Variants in ZC3H3 observed in about 807,000 individuals in gnomAD.
The protein encoded by ZC3H3 is zinc finger CCCH domain-containing protein 3.
A neutral mutation model predicts 77.3 loss-of-function variants in ZC3H3; 36 were observed. The observed-to-expected ratio is 0.47, with a 90% CI of 0.36 to 0.61. The LOEUF (loss-of-function observed/expected upper bound fraction) is 0.61, where lower values mean the gene tolerates loss of function less well. ZC3H3 is among the 20% of genes least tolerant of loss of function. The probability of loss-of-function intolerance (pLI) is 0.00; values close to 1 mark genes in which losing one functional copy is unlikely to be tolerated. For synonymous variants in ZC3H3, 626 were observed against 555.2 expected (o/e 1.13, Z -1.79); for missense variants, 1,331 against 1,312.2 (o/e 1.01, Z -0.22).
rs1464134723 is a variant in ZC3H3, at chr8:143,507,792, G to A, written c.1669C>T (p.Pro557Ser). The change falls in exon 4 of 12, where the codon CCC becomes TCC. Residue 557 changes from proline to serine, a missense_variant. Pro to Ser is a moderately conservative substitution (Grantham distance 74). Coordinates refer to ENST00000262577, the MANE Select transcript of ZC3H3 (RefSeq NM_015117.3). ...PASPLSAPPF[P>S]LSLPSWRARR... ...GCCCGCCAGGAGGGCAGAGACAGGG[G>A]GAAGGGCGGGGCGCTGAGAGGCGAG... 6.2e-7 allele frequency: 1 copy of A among 1,603,512 alleles called. No homozygotes were observed. Among genetic ancestry groups the A allele is most frequent in the Admixed American group, 1.7e-5 (1 of 59,876 alleles).
intron 5 of ZC3H3, 69 bp downstream of exon 5, chr8:143,475,329 G>A: frequency 1.3e-6 from 2 of 1,524,238 alleles, no homozygotes; most frequent in Non-Finnish European, 1.8e-6. Flanking sequence ...TAGGGGGTCT[G>A]GCCTGCAATG....
intron 9 of ZC3H3, among the ~76,000 whole-genome samples, chr8:143,461,424 G>A (rs1396050731): frequency 6.6e-6 from 1 of 152,154 alleles, no homozygotes; most frequent in Non-Finnish European, 1.5e-5. Context: ...CAGTGAAGCC[G>A]TTTTAGAAAA....
chr8:143,441,218 C>A, intron 9 of ZC3H3, 98 bp from the exon 10 acceptor site: 1 of 1,276,908 alleles, frequency 7.8e-7, no homozygotes, highest in Non-Finnish European at 1.0e-6. Context: ...CGAGTACCCA[C>A]GGGGCCCCAT....
chr8:143,465,437 C>T (rs1820381940), intron 9 of ZC3H3, among the ~76,000 whole-genome samples: 1 of 152,218 alleles, frequency 6.6e-6, no homozygotes, highest in Non-Finnish European at 1.5e-5. Context: ...ACACCCCTAC[C>T]ATGGGGGGCC....
chr8:143,471,032 G>A (rs1320795963), intron 5 of ZC3H3, among the ~76,000 whole-genome samples: 22 of 152,146 alleles, frequency 1.4e-4, no homozygotes, highest in Admixed American at 1.4e-3. Context: ...CAAGGCAAGC[G>A]GGGTGGGGGC....
intron 2 of ZC3H3, among the ~76,000 whole-genome samples, chr8:143,536,899 C>T (rs1326396892): frequency 6.6e-6 from 1 of 152,180 alleles, no homozygotes; most frequent in East Asian, 1.9e-4. Context: ...CTCCACACTT[C>T]CTGGACAGAG....
rs1822578115 is a variant in ZC3H3, at chr8:143,530,825, T to A, written c.1561+5432A>T. 6.6e-6 allele frequency among the ~76,000 whole-genome samples: 1 copy of A among 152,150 alleles called. No homozygotes were observed. Among genetic ancestry groups the A allele is most frequent in the African/African-American group, 2.4e-5 (1 of 41,436 alleles). Reference sequence around the variant, plus strand: ...CATTTTTCAGACTCCAAAAAGGTTTTCTTCTCTTCTGCCCAAATGCCCCCT... The same window carrying A: ...CATTTTTCAGACTCCAAAAAGGTTTACTTCTCTTCTGCCCAAATGCCCCCT... On this transcript the variant is annotated intron_variant, in intron 3 of 11. Transcript: ENST00000262577. This position sits in a 1 kb window ranked among gnomAD's most constrained non-coding sequence, Gnocchi z 4.3.
At position 143,539,268 on chromosome 8, in the gene ZC3H3, G is replaced by T; in HGVS notation, c.99C>A (p.Thr33=). ...TLHGNAPAPG[T]PAASGWQPPT... ...GTGGCTGCCACCCAGAAGCTGCTGG[G>T]GTACCAGGGGCCGGGGCATTGCCGT... is the stretch of plus-strand genomic sequence containing the variant. The change falls in exon 2 of 12, where the codon ACC becomes ACA. Residue 33 remains threonine, a synonymous_variant. Coordinates refer to ENST00000262577, the MANE Select transcript of ZC3H3 (RefSeq NM_015117.3). 6.2e-7 allele frequency: 1 copy of T among 1,612,724 alleles called. No homozygotes were observed. Among genetic ancestry groups the T allele is most frequent in the African/African-American group, 1.3e-5 (1 of 75,036 alleles).
intron 8 of ZC3H3, 123 bp downstream of exon 8, chr8:143,468,086 C>T: frequency 4.9e-6 from 6 of 1,227,568 alleles, no homozygotes; most frequent in Non-Finnish European, 4.6e-6. Flanking sequence ...TCTAAGGACG[C>T]CAGGGCAGGG....
chr8:143,475,391 C>T lies in ZC3H3; in HGVS notation c.1903+7G>A. ...CATCTCCCAGCGCCCCCGCCCTCAC[C>T]TCTCACCTGTGCGCAGGAGGGGCCT... On this transcript the variant is annotated splice_region_variant and intron_variant, in intron 5 of 11. Coordinates refer to ENST00000262577, the MANE Select transcript of ZC3H3 (RefSeq NM_015117.3). The T allele has an allele frequency of 6.2e-7, 1 of 1,612,142 alleles. No individual in the cohort carries two copies. Among genetic ancestry groups the T allele is most frequent in the South Asian group, 1.1e-5 (1 of 90,980 alleles).
chr8:143,463,711 G>A (rs1403465130), intron 9 of ZC3H3, among the ~76,000 whole-genome samples: 1 of 152,222 alleles, frequency 6.6e-6, no homozygotes, highest in Non-Finnish European at 1.5e-5. Flanking sequence ...CGCTGCACCA[G>A]GACAGGGACG....
chr8:143,500,308 G>A (rs1172595343), intron 4 of ZC3H3, among the ~76,000 whole-genome samples: 1 of 152,204 alleles, frequency 6.6e-6, no homozygotes, highest in East Asian at 1.9e-4. Flanking sequence ...CTGTGGGTGG[G>A]GGGAGCCCCA....
At chr8:143,510,061 T>C (rs1821824899) in intron 3 of ZC3H3, among the ~76,000 whole-genome samples, 2 of 152,146 alleles carry the variant, frequency 1.3e-5, no homozygotes, top group South Asian at 2.1e-4. Flanking sequence ...GGCGGCACCA[T>C]GATCACACTC....
intron 4 of ZC3H3, among the ~76,000 whole-genome samples, chr8:143,489,635 C>T (rs1308170922): frequency 1.3e-5 from 2 of 152,216 alleles, no homozygotes; most frequent in African/African-American, 4.8e-5. Flanking sequence ...AATTTATGCC[C>T]GCCCGCCTAT....
intron 4 of ZC3H3, among the ~76,000 whole-genome samples, chr8:143,489,888 C>A (rs889674785): frequency 2.0e-5 from 3 of 152,136 alleles, no homozygotes; most frequent in Non-Finnish European, 4.4e-5. Flanking sequence ...GCAGCGGGAC[C>A]CTTGCTGACT....
chr8:143,460,693 C>T lies in ZC3H3; in HGVS notation c.2307+5024G>A, dbSNP rs554363695. Among the ~76,000 whole-genome samples the T allele has an allele frequency of 2.6e-5, 4 of 152,282 alleles. No individual in the cohort carries two copies. Among genetic ancestry groups the T allele is most frequent in the East Asian group, 1.9e-4 (1 of 5,186 alleles). On this transcript the variant is annotated intron_variant, in intron 9 of 11. Coordinates refer to ENST00000262577, the MANE Select transcript of ZC3H3 (RefSeq NM_015117.3). The surrounding 1 kb of genome is among the most constrained non-coding windows in gnomAD (Gnocchi z 4.0). The stretch of plus-strand genomic sequence containing the variant: ...CTAACAAAACGCAGTGCACACACAA[C>T]GGAATGTTACTCTACCATAAGAAAG...
At chr8:143,441,416 A>G (rs1819739367) in intron 9 of ZC3H3, among the ~76,000 whole-genome samples, 2 of 152,182 alleles carry the variant, frequency 1.3e-5, no homozygotes, top group Admixed American at 6.5e-5. Context: ...CAGCCAGGCC[A>G]TGGCTCAGGG....
intron 4 of ZC3H3, among the ~76,000 whole-genome samples, chr8:143,506,178 G>A (rs1821688367): frequency 6.6e-6 from 1 of 152,216 alleles, no homozygotes; most frequent in African/African-American, 2.4e-5. Context: ...CAAACCAGAC[G>A]CCTTCTTGGC....
chr8:143,478,777 C>T (rs1209787050), intron 4 of ZC3H3, among the ~76,000 whole-genome samples: 1 of 152,168 alleles, frequency 6.6e-6, no homozygotes, highest in African/African-American at 2.4e-5. Flanking sequence ...CCCAAAGTGC[C>T]GGGATTACAG....
Sources: gnomAD v4.1 joint callset for allele counts (sites outside exome capture counted in the v4.1 genomes callset) on GRCh38, gnomAD v4.1.1 for gene constraint, Gnocchi (gnomAD v3.1) non-coding constraint, MANE v1.5 for transcripts, NCBI Gene and HGNC (gene_info 2026-07-23, HGNC 2026-07-21) for gene names.